OC90: variants seen among roughly 807,000 people sequenced by gnomAD.
The protein encoded by OC90 is otoconin 90, also known as otoconin-90.
Under a neutral mutation model 47.3 loss-of-function variants are expected in OC90, and 46 were observed. The observed-to-expected ratio is 0.97, with a 90% CI of 0.77 to 1.24. The LOEUF (loss-of-function observed/expected upper bound fraction) is 1.24, where lower values mean the gene tolerates loss of function less well. OC90 is among the 50% of genes most tolerant of loss of function. The probability of loss-of-function intolerance (pLI) is 0.00; values close to 1 mark genes in which losing one functional copy is unlikely to be tolerated. For synonymous variants in OC90, 271 were observed against 219.5 expected, an observed-to-expected ratio of 1.23 and a Z score of -2.07; for missense variants, 688 against 583.9, an observed-to-expected ratio of 1.18 and a Z score of -1.84.
At chr8:132,032,912 G>A in intron 11 of OC90, 127 bp downstream of exon 11, 1 of 1,073,024 alleles carries the variant, frequency 9.3e-7, no homozygotes, top group Non-Finnish European at 1.3e-6. Context: ...ATGCAGTCAG[G>A]GGGATGATGT....
chr8:132,044,479 G>A lies in OC90; in HGVS notation c.123C>T (p.Phe41=). The A allele has an allele frequency of 1.3e-6, 2 of 1,549,728 alleles. No individual in the cohort carries two copies. Among genetic ancestry groups the A allele is most frequent in the Non-Finnish European group, 1.8e-6 (2 of 1,137,382 alleles). The part of the protein sequence containing the change: ...PGLPNNINIT[F]FSGMFKNVES... ...CCACATTTTTAAACATCCCACTGAAGAAAGTGATATCTAAGTGTAAGAAAG... is the reference window on the plus strand; with the variant it reads ...CCACATTTTTAAACATCCCACTGAAAAAAGTGATATCTAAGTGTAAGAAAG... Residue 41 remains phenylalanine (F), a synonymous_variant, in exon 4 of 14, where the codon TTC becomes TTT. Coordinates refer to ENST00000254627, the MANE Select transcript of OC90 (RefSeq NM_001080399.3).
At position 132,024,307 on chromosome 8, in the gene OC90, G is replaced by A. The variant is rs143276398; in HGVS notation, c.*174C>T. 0.015 allele frequency: 7,947 copies of A among 545,386 alleles called. 89 individuals carry two copies. Among genetic ancestry groups the A allele is most frequent in the Non-Finnish European group, 0.021 (6,553 of 311,440 alleles). The allele number at this position is 545,386 out of a possible 1,614,324, so 33.8% of individuals were successfully genotyped here. Reference sequence around the variant, plus strand: ...CTTCTCCAAGTGTACATTGGCTTGTGAGGTGACCACAGCTGATGAGGCATG... The same window carrying A: ...CTTCTCCAAGTGTACATTGGCTTGTAAGGTGACCACAGCTGATGAGGCATG... On this transcript the variant is annotated 3_prime_UTR_variant, in exon 14 of 14. Coordinates refer to ENST00000254627, the MANE Select transcript of OC90 (RefSeq NM_001080399.3).
chr8:132,024,617 G>T lies in OC90; in HGVS notation c.1298C>A (p.Pro433His). 1 of 1,613,616 alleles carries T rather than the reference G, an allele frequency of 6.2e-7. No individual in the cohort carries two copies. Among genetic ancestry groups the T allele is most frequent in the Non-Finnish European group, 8.5e-7 (1 of 1,179,768 alleles). The change falls in exon 14 of 14, where the codon CCC becomes CAC. Residue 433 changes from proline (P) to histidine (H), a missense_variant. Physicochemically the swap from Pro to His is moderately conservative, Grantham distance 77 (BLOSUM62 -2). Coordinates refer to ENST00000254627, the MANE Select transcript of OC90 (RefSeq NM_001080399.3). ...AACEDSLHPV[P>H]AAPTLGSSSE... ...GCTGGAGCCCAGGGTGGGGGCTGCG[G>T]GCACAGGGTGCAGGCTGTCTTCACA...
chr8:132,050,447 C>G (rs79272030), intron 2 of OC90, among the ~76,000 whole-genome samples: 1,816 of 152,212 alleles, frequency 0.012, 29 homozygotes, highest in South Asian at 0.075. Flanking sequence ...TGTCCTACCT[C>G]TAAGTAAGAT....
intron 12 of OC90, among the ~76,000 whole-genome samples, 193 bp downstream of exon 12, chr8:132,031,688 T>C (rs1435525999): frequency 6.6e-6 from 1 of 152,140 alleles, no homozygotes; most frequent in Non-Finnish European, 1.5e-5. Context: ...AACAAGTCAG[T>C]CCCTGAGCCT....
chr8:132,059,185 C>T (rs1330736134), intron 1 of OC90, among the ~76,000 whole-genome samples, 156 bp downstream of exon 1: 1 of 150,860 alleles, frequency 6.6e-6, no homozygotes, highest in Non-Finnish European at 1.5e-5. Context: ...CTCCCTCCCT[C>T]ACTCTTTTCC....
chr8:132,054,177 A>C (rs1364942232), intron 2 of OC90, among the ~76,000 whole-genome samples: 1 of 152,116 alleles, frequency 6.6e-6, no homozygotes, highest in Non-Finnish European at 1.5e-5. Context: ...CTCCTAGCCA[A>C]TGTCCCAGGG....
At chr8:132,025,289 G>A (rs553505225) in intron 13 of OC90, among the ~76,000 whole-genome samples, 22 of 152,312 alleles carry the variant, frequency 1.4e-4, no homozygotes, top group African/African-American at 5.3e-4. Flanking sequence ...ACAGAGATGA[G>A]AAAATTTCCT....
chr8:132,033,256 G>T, intron 10 of OC90, 92 bp from the exon 11 acceptor site: 1 of 1,263,422 alleles, frequency 7.9e-7, no homozygotes, highest in South Asian at 1.3e-5. Flanking sequence ...CAAACAGATA[G>T]AACAACATAG....
At position 132,041,169 on chromosome 8, in the gene OC90, C is replaced by A. The variant is rs538136135; in HGVS notation, c.345-13G>T. ...CTGGAAGCAGCAGCTGTAGGAAGGC[C>A]GGGAGGAGGCAGGGTGAGAGTGTGG... On this transcript the variant is annotated splice_polypyrimidine_tract_variant and intron_variant, in intron 5 of 13. Transcript: ENST00000254627. The A allele has an allele frequency of 6.4e-7, 1 of 1,560,278 alleles. No homozygotes were observed. Among genetic ancestry groups the A allele is most frequent in the East Asian group, 2.2e-5 (1 of 44,626 alleles).
intron 4 of OC90, among the ~76,000 whole-genome samples, chr8:132,043,384 G>A (rs10956628): frequency 0.62 from 94,298 of 152,144 alleles, 29,769 homozygotes; most frequent in East Asian, 0.75. Flanking sequence ...TAAACCGAAG[G>A]CCAAACACAT....
intron 2 of OC90, among the ~76,000 whole-genome samples, chr8:132,047,717 G>T (rs185479491): frequency 6.6e-6 from 1 of 152,082 alleles, no homozygotes; most frequent in African/African-American, 2.4e-5. Flanking sequence ...GGGAAACTAT[G>T]GTAAAGTGCT....
chr8:132,025,415 A>G (rs1389162420), intron 13 of OC90, among the ~76,000 whole-genome samples: 1 of 152,190 alleles, frequency 6.6e-6, no homozygotes, highest in Non-Finnish European at 1.5e-5. Flanking sequence ...GAAAATTGGC[A>G]GCATTTGACC....
rs1333123411 is a variant in OC90 at position 132,033,104 on chromosome 8, C to A, written c.794G>T (p.Gly265Val). ...TAKIVTLVPA[G>V]IKSLGLAVSS... ...CACTGCCAGCCCCAGAGATTTAATG[C>A]CAGCAGGGACAAGGGTTACAATTTT... Residue 265 changes from glycine to valine, a missense_variant, in exon 11 of 14, where the codon GGC (glycine) becomes GTC (valine). Coordinates refer to ENST00000254627, the MANE Select transcript of OC90 (RefSeq NM_001080399.3). 4 of 1,609,044 alleles carry A rather than the reference C, an allele frequency of 2.5e-6. No homozygotes were observed. Among genetic ancestry groups the A allele is most frequent in the Non-Finnish European group, 3.4e-6 (4 of 1,177,756 alleles).
rs1822930955 is a variant in OC90 at position 132,034,776 on chromosome 8, C to A, written c.733+5G>T. The A allele has an allele frequency of 1.2e-6, 2 of 1,605,942 alleles. No homozygotes were observed. The highest frequency in any genetic ancestry group is 1.7e-6 in the Non-Finnish European group (2 of 1,173,606). Reference sequence around the variant, plus strand: ...ACATAGGCAGGTGGAGCCCAGTAGGCTTACCTGGAGGGGACGTAGCCCTAG... The same window carrying A: ...ACATAGGCAGGTGGAGCCCAGTAGGATTACCTGGAGGGGACGTAGCCCTAG... On this transcript the variant is annotated splice_donor_5th_base_variant and intron_variant, in intron 10 of 13. Transcript: ENST00000254627.
intron 6 of OC90, among the ~76,000 whole-genome samples, chr8:132,040,390 C>A (rs1250821969): frequency 6.6e-6 from 1 of 152,164 alleles, no homozygotes; most frequent in East Asian, 1.9e-4. Flanking sequence ...AATATAGGAA[C>A]CCCTACATGC....
chr8:132,044,565 A>G, intron 3 of OC90, 76 bp from the exon 4 acceptor site: 2 of 818,426 alleles, frequency 2.4e-6, no homozygotes, highest in Non-Finnish European at 4.1e-6. Context: ...CTCTAGGTAA[A>G]GTGTACATAA....
chr8:132,040,988 G>A (rs577532857), intron 6 of OC90, 56 bp downstream of exon 6: 1 of 1,049,990 alleles, frequency 9.5e-7, no homozygotes, highest in Admixed American at 1.7e-5. Flanking sequence ...CCAGGCTTGG[G>A]ATCCCTGGAC....
intron 8 of OC90, among the ~76,000 whole-genome samples, chr8:132,038,509 G>A (rs1823002975): frequency 6.6e-6 from 1 of 152,214 alleles, no homozygotes; most frequent in African/African-American, 2.4e-5. Context: ...GAGTGAGAAA[G>A]GGGAGAGAAT....
Sources: gnomAD v4.1 joint callset for allele counts (sites outside exome capture counted in the v4.1 genomes callset) on GRCh38, gnomAD v4.1.1 for gene constraint, MANE v1.5 for transcripts, NCBI Gene and HGNC (gene_info 2026-07-23, HGNC 2026-07-21) for gene names.